MYO1B: variants seen among roughly 807,000 people sequenced by gnomAD.
MYO1B encodes myosin IB, also known as unconventional myosin-Ib.
Under a neutral mutation model 159.7 loss-of-function variants are expected in MYO1B, and 72 were observed. That is an observed-to-expected ratio of 0.45 (90% CI 0.37 to 0.55). The LOEUF (loss-of-function observed/expected upper bound fraction) is 0.55, where lower values mean the gene tolerates loss of function less well. Ranked by LOEUF, MYO1B falls within the 20% of genes least tolerant of loss-of-function variation. The probability of loss-of-function intolerance (pLI) is 0.00; values close to 1 mark genes in which losing one functional copy is unlikely to be tolerated. For missense variants in MYO1B, 1,062 were observed against 1,364.8 expected, an observed-to-expected ratio of 0.78 and a Z score of 3.50; for synonymous variants, 468 against 473.8, an observed-to-expected ratio of 0.99 and a Z score of 0.16.
At chr2:191,262,039 C>G (rs983210626) in intron 1 of MYO1B, among the ~76,000 whole-genome samples, 1 of 152,206 alleles carries the variant, frequency 6.6e-6, no homozygotes, top group Non-Finnish European at 1.5e-5. Flanking sequence ...TCCTGTCTCT[C>G]TTCCACCTCT....
In MYO1B at chr2:191,277,018, C is replaced by T; in HGVS notation, c.123C>T (p.His41=). 6.2e-7 allele frequency: 1 copy of T among 1,613,492 alleles called. No homozygotes were observed. Among genetic ancestry groups the T allele is most frequent in the South Asian group, 1.1e-5 (1 of 90,976 alleles). Residue 41 remains histidine, a synonymous_variant, in exon 2 of 31, where the codon CAC becomes CAT. Transcript: ENST00000392318. ...FINNLKKRFD[H]SEIYTYIGSV... ...ACAACCTCAAGAAGCGCTTTGACCA[C>T]AGTGAAATATACGTAAGTACACACG...
intron 8 of MYO1B, 128 bp downstream of exon 8, chr2:191,360,857 T>C: frequency 3.2e-6 from 2 of 627,586 alleles, no homozygotes; most frequent in Non-Finnish European, 2.8e-6. Context: ...TTCTCCTGCC[T>C]TGGCTTCCCA....
chr2:191,322,642 C>G (rs1430039442), intron 3 of MYO1B, among the ~76,000 whole-genome samples: 1 of 152,138 alleles, frequency 6.6e-6, no homozygotes, highest in African/African-American at 2.4e-5. Context: ...GTTCTAAAAT[C>G]TTGAAAGAAA....
chr2:191,249,474 C>T (rs577976513), intron 1 of MYO1B, among the ~76,000 whole-genome samples: 2 of 152,276 alleles, frequency 1.3e-5, no homozygotes, highest in South Asian at 4.1e-4. Context: ...CATCCCTTCC[C>T]CACAGGGGAA....
chr2:191,316,420 C>T (rs940552110), intron 3 of MYO1B, among the ~76,000 whole-genome samples: 30 of 152,074 alleles, frequency 2.0e-4, no homozygotes, highest in African/African-American at 6.0e-4. Flanking sequence ...CTTTGGGCCT[C>T]GGGAGTTATT....
At chr2:191,300,792 G>A (rs1397142507) in intron 3 of MYO1B, among the ~76,000 whole-genome samples, 1 of 151,720 alleles carries the variant, frequency 6.6e-6, no homozygotes, top group African/African-American at 2.4e-5. Flanking sequence ...TTTAATTTGA[G>A]CTGTGTTCAC....
intron 7 of MYO1B, 25 bp from the exon 8 acceptor site, chr2:191,360,606 A>T (rs778073460): frequency 6.9e-7 from 1 of 1,441,442 alleles, no homozygotes; most frequent in South Asian, 1.2e-5. Context: ...CAAATGCCAT[A>T]CTATGATTTA....
chr2:191,258,965 C>A (rs1686632135), intron 1 of MYO1B, among the ~76,000 whole-genome samples: 1 of 152,222 alleles, frequency 6.6e-6, no homozygotes, highest in South Asian at 2.1e-4. Flanking sequence ...TGACTATCTT[C>A]TGCAACTCGG....
At chr2:191,374,289 C>T (rs930659187) in intron 13 of MYO1B, among the ~76,000 whole-genome samples, 7 of 152,188 alleles carry the variant, frequency 4.6e-5, no homozygotes, top group African/African-American at 1.7e-4. Flanking sequence ...TGATATTTTC[C>T]ACCCAAGTGA....
chr2:191,352,329 TAAAACACTGTTTTTA>T (rs1338461332), intron 7 of MYO1B, among the ~76,000 whole-genome samples: 1 of 152,208 alleles, frequency 6.6e-6, no homozygotes, highest in Non-Finnish European at 1.5e-5. Context: ...ATAAAATTAA[TAAAACACTGTTTTTA>T]AAAATGAGAG....
chr2:191,411,257 A>G, intron 27 of MYO1B, 85 bp downstream of exon 27: 2 of 804,788 alleles, frequency 2.5e-6, no homozygotes, highest in South Asian at 1.9e-5. Flanking sequence ...CTGGTGTTTG[A>G]TTTCAGTCTT....
intron 1 of MYO1B, among the ~76,000 whole-genome samples, chr2:191,260,920 G>C (rs528416194): frequency 6.6e-6 from 1 of 152,128 alleles, no homozygotes; most frequent in Non-Finnish European, 1.5e-5. Context: ...ATATACTTTT[G>C]AAAAGCCAAC....
Position 191,294,884 on chromosome 2 carries a change from A to C in MYO1B, c.136-1227A>C, listed in dbSNP as rs1000686742. Among the ~76,000 whole-genome samples the C allele has an allele frequency of 3.3e-5, 5 of 152,252 alleles. No homozygotes were observed. In the South Asian group the frequency reaches 1.0e-3, roughly 32 times the overall value. ...ATTGTGACCCCTGTAAAAAGAAAAAAAAAAGTCAGCAGAACATTTCTACGT... is the reference window on the plus strand; with the variant it reads ...ATTGTGACCCCTGTAAAAAGAAAAACAAAAGTCAGCAGAACATTTCTACGT... On this transcript the variant is annotated intron_variant, in intron 2 of 30. Transcript: ENST00000392318.
chr2:191,363,684 T>C (rs111252469), intron 9 of MYO1B, 44 bp from the exon 10 acceptor site: 35 of 1,558,354 alleles, frequency 2.2e-5, no homozygotes, highest in Non-Finnish European at 2.9e-5. Context: ...GAAAAGAAAA[T>C]AACTATAAGA....
intron 1 of MYO1B, among the ~76,000 whole-genome samples, chr2:191,273,913 A>AT (rs1211743386): frequency 2.6e-5 from 4 of 152,212 alleles, no homozygotes. Flanking sequence ...AGAGAAAAAA[A>AT]CAAATGGATC....
intron 21 of MYO1B, among the ~76,000 whole-genome samples, chr2:191,397,630 T>G (rs1333790428): frequency 6.8e-6 from 1 of 147,572 alleles, no homozygotes; most frequent in Non-Finnish European, 1.5e-5. Context: ...ATTTCTCAAT[T>G]TTTTCCCCAC....
intron 19 of MYO1B, among the ~76,000 whole-genome samples, chr2:191,392,462 G>A (rs1309178109): frequency 1.3e-5 from 2 of 152,112 alleles, no homozygotes; most frequent in Non-Finnish European, 2.9e-5. Flanking sequence ...AAACTGTTAG[G>A]ACAACGGTGC....
chr2:191,307,841 C>A (rs1374620716), intron 3 of MYO1B, among the ~76,000 whole-genome samples: 1 of 152,112 alleles, frequency 6.6e-6, no homozygotes, highest in Non-Finnish European at 1.5e-5. Context: ...ATAAAGGATA[C>A]AACACAGGAA....
chr2:191,351,906 TAA>T (rs1238062742), intron 7 of MYO1B, among the ~76,000 whole-genome samples: 1 of 152,130 alleles, frequency 6.6e-6, no homozygotes, highest in African/African-American at 2.4e-5. Flanking sequence ...AATAAATAAA[TAA>T]GTTTCCATTT....
Sources: gnomAD v4.1 joint callset for allele counts (sites outside exome capture counted in the v4.1 genomes callset) on GRCh38, gnomAD v4.1.1 for gene constraint, MANE v1.5 for transcripts, NCBI Gene and HGNC (gene_info 2026-07-23, HGNC 2026-07-21) for gene names.